Variants in ACAA2 observed in about 807,000 individuals in gnomAD.
The protein encoded by ACAA2 is 3-ketoacyl-CoA thiolase, mitochondrial.
ACAA2 carries 35 observed loss-of-function variants against 44.8 expected under a neutral mutation model. That is an observed-to-expected ratio of 0.78 (90% CI 0.60 to 1.04). The LOEUF is 1.04. Among genes scored for constraint, ACAA2 ranks in the 50% least tolerant of loss-of-function variants. The probability of loss-of-function intolerance (pLI) is 0.00; values close to 1 mark genes in which losing one functional copy is unlikely to be tolerated. For missense variants in ACAA2, 468 were observed against 482.6 expected, an observed-to-expected ratio of 0.97 and a Z score of 0.28; for synonymous variants, 142 against 166.5, an observed-to-expected ratio of 0.85 and a Z score of 1.13.
chr18:49,811,842 CTACAG>C (rs2023673034), intron 1 of ACAA2, among the ~76,000 whole-genome samples: 1 of 152,178 alleles, frequency 6.6e-6, no homozygotes, highest in Non-Finnish European at 1.5e-5. Context: ...AGCTCTAACA[CTACAG>C]TAAATTGTAC....
At chr18:49,804,099 C>T (rs1487252096) in intron 1 of ACAA2, among the ~76,000 whole-genome samples, 4 of 152,072 alleles carry the variant, frequency 2.6e-5, no homozygotes, top group South Asian at 2.1e-4. Context: ...TTAGTAGAGA[C>T]GGGGTTTCAC....
chr18:49,808,769 T>C (rs1304552956), intron 1 of ACAA2, among the ~76,000 whole-genome samples: 1 of 152,056 alleles, frequency 6.6e-6, no homozygotes, highest in Admixed American at 6.5e-5. Flanking sequence ...AAAGCAAAGA[T>C]CACAAGGCAA....
At chr18:49,784,868 T>A (rs2023309178) in intron 9 of ACAA2, among the ~76,000 whole-genome samples, 1 of 152,132 alleles carries the variant, frequency 6.6e-6, no homozygotes, top group Non-Finnish European at 1.5e-5. Flanking sequence ...ATTTTACTCC[T>A]GTAACTGGCA....
chr18:49,809,030 A>C (rs2023639991), intron 1 of ACAA2, among the ~76,000 whole-genome samples: 1 of 152,148 alleles, frequency 6.6e-6, no homozygotes, highest in Non-Finnish European at 1.5e-5. Context: ...ACCTCCCCCC[A>C]GGAATACAAT....
At position 49,795,778 on chromosome 18, in the gene ACAA2, C is replaced by T. The variant is rs1040574362; in HGVS notation, c.416G>A (p.Gly139Glu). 4 of 1,602,670 alleles carry T rather than the reference C, an allele frequency of 2.5e-6. No individual in the cohort carries two copies. Among genetic ancestry groups the T allele is most frequent in the Non-Finnish European group, 1.7e-6 (2 of 1,173,918 alleles). The change falls in exon 4 of 10, where the codon GGA (glycine) becomes GAA (glutamate). Residue 139 changes from glycine (G) to glutamate (E), a missense_variant. Physicochemically the swap from Gly to Glu is moderately conservative, Grantham distance 98. Transcript: ENST00000285093. ...VRNVRFGTKL[G>E]SDIKLEDSLW... Reference sequence around the variant, plus strand: ...TATGGTTCCAACCTTGATATCTGATCCAAGCTTGGTTCCAAAACGCACATT... The same window carrying T: ...TATGGTTCCAACCTTGATATCTGATTCAAGCTTGGTTCCAAAACGCACATT...
intron 1 of ACAA2, chr18:49,811,266 T>G (rs144185747): frequency 1.1e-4 from 16 of 152,280 alleles, no homozygotes; most frequent in African/African-American, 3.6e-4. Flanking sequence ...GAGCACTACC[T>G]TTCTATCACA....
chr18:49,813,197 ACCT>A (rs1281663179), intron 1 of ACAA2, among the ~76,000 whole-genome samples: 1 of 152,194 alleles, frequency 6.6e-6, no homozygotes, highest in Non-Finnish European at 1.5e-5. Flanking sequence ...GAAAGGAATG[ACCT>A]CCAAGGTCAC....
At chr18:49,801,812 A>ATATATATATATATATATATATATC (rs1347357878) in intron 2 of ACAA2, among the ~76,000 whole-genome samples, 2 of 143,312 alleles carry the variant, frequency 1.4e-5, no homozygotes, top group Non-Finnish European at 1.5e-5. Context: ...ATATATATAT[A>ATATATATATATATATATATATATC]TATCTTATCT....
At chr18:49,797,617 A>G (rs1165669349) in intron 2 of ACAA2, 23 bp from the exon 3 acceptor site, 6 of 1,564,744 alleles carry the variant, frequency 3.8e-6, no homozygotes, top group Non-Finnish European at 5.2e-6. Context: ...AGGAAAAGAA[A>G]AATAATTTTC....
intron 8 of ACAA2, 39 bp downstream of exon 8, chr18:49,787,248 TATTC>T: frequency 7.4e-7 from 1 of 1,352,096 alleles, no homozygotes; most frequent in Non-Finnish European, 9.7e-7. Flanking sequence ...GTACATGGTT[TATTC>T]ATGTTGTTAA....
chr18:49,803,115 G>C (rs913959791), intron 1 of ACAA2, among the ~76,000 whole-genome samples: 1 of 151,914 alleles, frequency 6.6e-6, no homozygotes, highest in Admixed American at 6.6e-5. Flanking sequence ...CTTCTCCTGC[G>C]CACCCCGCCC....
chr18:49,793,754 T>C (rs532904846), intron 5 of ACAA2, among the ~76,000 whole-genome samples: 1 of 152,350 alleles, frequency 6.6e-6, no homozygotes, highest in Admixed American at 6.5e-5. Context: ...AGCAACCTGC[T>C]GTGCTACACC....
At chr18:49,786,837 A>G (rs1470158866) in intron 8 of ACAA2, among the ~76,000 whole-genome samples, 4 of 152,190 alleles carry the variant, frequency 2.6e-5, no homozygotes, top group Non-Finnish European at 5.9e-5. Context: ...ATCAAGCTAC[A>G]ACTATCGTAT....
chr18:49,802,506 G>A (rs1455978311), intron 2 of ACAA2, among the ~76,000 whole-genome samples, 181 bp downstream of exon 2: 1 of 147,690 alleles, frequency 6.8e-6, no homozygotes, highest in South Asian at 2.1e-4. Context: ...AAGTTGCAGC[G>A]AGCCAAGATC....
intron 1 of ACAA2, among the ~76,000 whole-genome samples, chr18:49,808,950 G>C (rs143316367): frequency 7.2e-5 from 11 of 152,216 alleles, no homozygotes; most frequent in Non-Finnish European, 1.5e-4. Context: ...GGTACTGCAG[G>C]AGACCAGGGG....
rs886571161 is a variant in ACAA2, at chr18:49,787,310, T to G, written c.935A>C (p.Lys312Thr). The G allele has an allele frequency of 1.6e-5, 23 of 1,467,098 alleles. No homozygotes were observed. The African/African-American group carries it at 3.3e-4, about 21-fold the overall frequency. 90.9% of individuals were successfully genotyped at this position (1,467,098 alleles called of 1,614,324 possible). A position where few individuals can be genotyped will look rare whatever the true frequency, so the allele number is the denominator to read the frequency against. ...GALKKAGLSL[K>T]DMDLVEVNEA... ...ACTTACCTCTACCAAATCCATGTCC[T>G]TAAGACTCAGTCCTGCTTTCTTCAG... The change falls in exon 8 of 10, where the codon AAG becomes ACG. Residue 312 changes from lysine (K) to threonine (T), a missense_variant. Coordinates refer to ENST00000285093, the MANE Select transcript of ACAA2 (RefSeq NM_006111.3).
At chr18:49,790,334 G>C (rs1044949280) in intron 7 of ACAA2, among the ~76,000 whole-genome samples, 3 of 152,092 alleles carry the variant, frequency 2.0e-5, no homozygotes, top group Non-Finnish European at 4.4e-5. Context: ...TCTTCTCTGA[G>C]GGACATGGCA....
intron 1 of ACAA2, among the ~76,000 whole-genome samples, chr18:49,810,789 G>A (rs1252062859): frequency 6.6e-6 from 1 of 151,740 alleles, no homozygotes; most frequent in Non-Finnish European, 1.5e-5. Context: ...CTGGGCTCAA[G>A]CAATCCTCCA....
intron 2 of ACAA2, among the ~76,000 whole-genome samples, chr18:49,801,812 A>ATATATCTC (rs1347357878): frequency 7.0e-6 from 1 of 143,312 alleles, no homozygotes; most frequent in Non-Finnish European, 1.5e-5. Context: ...ATATATATAT[A>ATATATCTC]TATCTTATCT....
Sources: allele counts gnomAD v4.1 joint callset (sites outside exome capture counted in the v4.1 genomes callset), GRCh38; gene constraint gnomAD v4.1.1; transcripts MANE v1.5; gene names NCBI Gene and HGNC (gene_info 2026-07-23, HGNC 2026-07-21).